KIF16B: variants seen among roughly 807,000 people sequenced by gnomAD.
KIF16B encodes kinesin-like protein KIF16B.
Under a neutral mutation model 156.3 loss-of-function variants are expected in KIF16B, and 98 were observed. The ratio of observed to expected loss-of-function variants is 0.63; its 90% CI spans 0.53 to 0.74. The LOEUF (loss-of-function observed/expected upper bound fraction) is 0.74. KIF16B is among the 30% of genes least tolerant of loss of function. The pLI, the probability that KIF16B is intolerant of heterozygous loss-of-function variation, is 0.00. For missense variants in KIF16B, 1,421 were observed against 1,606.5 expected (o/e 0.88, Z 1.97); for synonymous variants, 564 against 583.7 (o/e 0.97, Z 0.49).
intron 12 of KIF16B, among the ~76,000 whole-genome samples, chr20:16,436,265 C>T (rs1273249430): frequency 9.9e-5 from 15 of 152,108 alleles, no homozygotes; most frequent in Non-Finnish European, 1.3e-4. Flanking sequence ...GAGTAGTCTG[C>T]AGTCCACCCA....
chr20:16,367,888 A>G, intron 22 of KIF16B: 1 of 1,512,848 alleles, frequency 6.6e-7, no homozygotes, highest in Non-Finnish European at 8.8e-7. Flanking sequence ...TGCAGAGCTC[A>G]GGAATCGAAC....
chr20:16,433,427 A>T (rs1479131594), intron 12 of KIF16B, among the ~76,000 whole-genome samples: 1 of 152,180 alleles, frequency 6.6e-6, no homozygotes, highest in Non-Finnish European at 1.5e-5. Context: ...TTTGGACTAC[A>T]TCCCAGTTTC....
intron 12 of KIF16B, among the ~76,000 whole-genome samples, chr20:16,470,243 T>C (rs1191544276): frequency 6.6e-6 from 1 of 152,206 alleles, no homozygotes; most frequent in Non-Finnish European, 1.5e-5. Context: ...CTATTCTTTA[T>C]GATGTTATAA....
intron 1 of KIF16B, among the ~76,000 whole-genome samples, chr20:16,569,805 G>A (rs2071391270): frequency 6.6e-6 from 1 of 152,102 alleles, no homozygotes; most frequent in South Asian, 2.1e-4. Flanking sequence ...GCACTGCTGG[G>A]TTAATAATTA....
chr20:16,502,058 T>C (rs1183266623), intron 10 of KIF16B, among the ~76,000 whole-genome samples: 1 of 152,222 alleles, frequency 6.6e-6, no homozygotes. Context: ...TATCTAGATC[T>C]ACATAGTAGA....
At chr20:16,505,958 C>G (rs2147012174) in intron 8 of KIF16B, 64 bp downstream of exon 8, 4 of 1,606,320 alleles carry the variant, frequency 2.5e-6, no homozygotes, top group Non-Finnish European at 2.6e-6. Flanking sequence ...GTTTGCAACC[C>G]AAATATTACA....
At chr20:16,373,655 G>C (rs2064875867) in intron 20 of KIF16B, among the ~76,000 whole-genome samples, 1 of 152,132 alleles carries the variant, frequency 6.6e-6, no homozygotes, top group African/African-American at 2.4e-5. Flanking sequence ...CCTTCTTCTT[G>C]GTACAGTTAA....
chr20:16,408,971 T>C (rs1283158792), intron 15 of KIF16B, among the ~76,000 whole-genome samples: 2 of 152,076 alleles, frequency 1.3e-5, no homozygotes, highest in Non-Finnish European at 2.9e-5. Context: ...GTGATAAACA[T>C]GGGGGATACA....
intron 1 of KIF16B, among the ~76,000 whole-genome samples, chr20:16,535,498 T>C (rs12480716): frequency 0.057 from 8,623 of 152,320 alleles, 309 homozygotes; most frequent in Admixed American, 0.086. Flanking sequence ...TCTTGCCTCA[T>C]TGCTCTGACT....
intron 12 of KIF16B, 91 bp from the exon 13 acceptor site, chr20:16,430,073 A>AT: frequency 7.7e-7 from 1 of 1,305,134 alleles, no homozygotes; most frequent in Non-Finnish European, 1.0e-6. Flanking sequence ...AATGGGCAAT[A>AT]TTTTATTTCT....
intron 17 of KIF16B, among the ~76,000 whole-genome samples, chr20:16,398,009 C>T (rs539448688): frequency 6.6e-6 from 1 of 152,318 alleles, no homozygotes; most frequent in Admixed American, 6.5e-5. Flanking sequence ...CTCAAGAAGC[C>T]TACATCAATT....
intron 1 of KIF16B, among the ~76,000 whole-genome samples, chr20:16,551,853 G>C (rs2070679974): frequency 6.6e-6 from 1 of 152,110 alleles, no homozygotes; most frequent in Non-Finnish European, 1.5e-5. Flanking sequence ...TCCCACGACA[G>C]CTACAGGAGG....
chr20:16,293,535 C>T lies in KIF16B; in HGVS notation c.3795+18800G>A, dbSNP rs372274268. 2.6e-5 allele frequency among the ~76,000 whole-genome samples: 4 copies of T among 152,050 alleles called. No homozygotes were observed. The East Asian group carries it at 5.8e-4, about 22-fold the overall frequency. ...TCATACATCCTTTCTCAGGAAGCTA[C>T]TAGAGAGGTGTTTCATTAAAGTGAG... On this transcript the variant is annotated intron_variant, in intron 25 of 25. Transcript: ENST00000354981.
At chr20:16,414,354 A>G (rs536346917) in intron 15 of KIF16B, among the ~76,000 whole-genome samples, 3 of 152,268 alleles carry the variant, frequency 2.0e-5, no homozygotes, top group East Asian at 3.9e-4. Context: ...AGCAGGCATC[A>G]GTATCACATC....
Position 16,350,488 on chromosome 20 carries a change from C to T in KIF16B, c.3621+5842G>A, listed in dbSNP as rs1181213755. On this transcript the variant is annotated intron_variant, in intron 23 of 25. Coordinates refer to ENST00000354981, the MANE Select transcript of KIF16B (RefSeq NM_024704.5). ...TGCGGGTGCTGAACTCAGCCCAGAGCCAGGACATGGGTATACTGGAGCGCT... is the reference window on the plus strand; with the variant it reads ...TGCGGGTGCTGAACTCAGCCCAGAGTCAGGACATGGGTATACTGGAGCGCT... 2.6e-5 allele frequency among the ~76,000 whole-genome samples: 4 copies of T among 151,942 alleles called. No homozygotes were observed. In the East Asian group the frequency reaches 7.7e-4, roughly 29 times the overall value.
At chr20:16,408,250 C>A (rs1444902872) in intron 15 of KIF16B, among the ~76,000 whole-genome samples, 1 of 152,098 alleles carries the variant, frequency 6.6e-6, no homozygotes, top group Admixed American at 6.6e-5. Flanking sequence ...TTAGCAGAAA[C>A]AAAGTCACTA....
intron 24 of KIF16B, among the ~76,000 whole-genome samples, chr20:16,331,789 A>C (rs1415809004): frequency 1.3e-5 from 2 of 152,160 alleles, no homozygotes; most frequent in African/African-American, 4.8e-5. Flanking sequence ...TTAGCAAATC[A>C]AGTGATTTCT....
chr20:16,498,674 T>C (rs1249720594), intron 10 of KIF16B, among the ~76,000 whole-genome samples: 1 of 152,052 alleles, frequency 6.6e-6, no homozygotes, highest in African/African-American at 2.4e-5. Context: ...AGTGCTCTCC[T>C]ATTAACATAA....
chr20:16,384,357 G>C (rs1441198346), intron 17 of KIF16B, among the ~76,000 whole-genome samples: 1 of 152,090 alleles, frequency 6.6e-6, no homozygotes, highest in African/African-American at 2.4e-5. Flanking sequence ...TAGTACCTAG[G>C]ATCAAGGCAA....
Sources: allele counts gnomAD v4.1 joint callset (sites outside exome capture counted in the v4.1 genomes callset), GRCh38; gene constraint gnomAD v4.1.1; transcripts MANE v1.5; gene names NCBI Gene and HGNC (gene_info 2026-07-23, HGNC 2026-07-21).